Variants in NHEJ1 observed in about 807,000 individuals in gnomAD.
The protein encoded by NHEJ1 is non-homologous end joining factor 1.
NHEJ1 carries 22 observed loss-of-function variants against 39.4 expected under a neutral mutation model. The ratio of observed to expected loss-of-function variants is 0.56; its 90% CI spans 0.40 to 0.80. The LOEUF is 0.80. Ranked by LOEUF, NHEJ1 falls within the 30% of genes least tolerant of loss-of-function variation. NHEJ1 has a pLI of 0.00. For synonymous variants in NHEJ1, 154 were observed against 135.6 expected, an observed-to-expected ratio of 1.14 and a Z score of -0.94; for missense variants, 329 against 357.1, an observed-to-expected ratio of 0.92 and a Z score of 0.63.
At chr2:219,137,136 A>G (rs1248683728) in intron 5 of NHEJ1, among the ~76,000 whole-genome samples, 1 of 151,780 alleles carries the variant, frequency 6.6e-6, no homozygotes, top group East Asian at 1.9e-4. Flanking sequence ...AGAAAACCCC[A>G]AAGAGAAGGT....
chr2:219,144,065 G>A (rs992458371), intron 5 of NHEJ1, among the ~76,000 whole-genome samples: 1 of 152,066 alleles, frequency 6.6e-6, no homozygotes, highest in African/African-American at 2.4e-5. Context: ...GCCAGGTGTG[G>A]TGGTGCATAC....
chr2:219,139,460 A>C (rs1023163344), intron 5 of NHEJ1, among the ~76,000 whole-genome samples: 1 of 152,170 alleles, frequency 6.6e-6, no homozygotes, highest in African/African-American at 2.4e-5. Context: ...GACAGGCCAC[A>C]TAGCAAGAAA....
In NHEJ1 at chr2:219,150,401, A is replaced by G. The variant is rs190860242; in HGVS notation, c.391-2606T>C. Among the ~76,000 whole-genome samples the G allele has an allele frequency of 8.5e-5, 13 of 152,338 alleles. No homozygotes were observed. In the East Asian group the frequency reaches 2.3e-3, roughly 27 times the overall value. ...CATCCCAACCTGGCACTGACTCCCAATTGAGGTCCTTAGCAAAAACTTAAC... is the reference window on the plus strand; with the variant it reads ...CATCCCAACCTGGCACTGACTCCCAGTTGAGGTCCTTAGCAAAAACTTAAC... On this transcript the variant is annotated intron_variant, in intron 3 of 7. Coordinates refer to ENST00000356853, the MANE Select transcript of NHEJ1 (RefSeq NM_024782.3).
At chr2:219,116,358 A>G (rs1559194812) in intron 5 of NHEJ1, among the ~76,000 whole-genome samples, 4 of 150,178 alleles carry the variant, frequency 2.7e-5, no homozygotes, top group African/African-American at 9.8e-5. Context: ...AACTCTTAGG[A>G]TTTTTTTTTT....
At chr2:219,092,833 G>C (rs887997442) in intron 5 of NHEJ1, among the ~76,000 whole-genome samples, 1 of 152,154 alleles carries the variant, frequency 6.6e-6, no homozygotes, top group African/African-American at 2.4e-5. Flanking sequence ...GGCTGTGGGG[G>C]GCAGAGATAA....
chr2:219,111,751 T>G lies in NHEJ1; in HGVS notation c.589-33545A>C, dbSNP rs1949367827. Among the ~76,000 whole-genome samples, 1 of 152,036 alleles carries G rather than the reference T, an allele frequency of 6.6e-6. No homozygotes were observed. Among genetic ancestry groups the G allele is most frequent in the Non-Finnish European group, 1.5e-5 (1 of 68,024 alleles). On this transcript the variant is annotated intron_variant, in intron 5 of 7. Transcript: ENST00000356853. This position sits in a 1 kb window ranked among gnomAD's most constrained non-coding sequence, Gnocchi z 4.1. ...AGGGCAGCTGCAGAAAACAACTGCT[T>G]GTTAAGTTAAAATTAAACTCTGTAC...
At position 219,135,043 on chromosome 2, in the gene NHEJ1, T is replaced by TAAAAAAAAAAAA. The variant is rs59843524; in HGVS notation, c.588+11625_588+11636dup. Among the ~76,000 whole-genome samples, 16 of 110,418 alleles carry TAAAAAAAAAAAA rather than the reference T, an allele frequency of 1.4e-4. 1 individual carries two copies. The highest frequency in any genetic ancestry group is 5.9e-4 in the South Asian group (2 of 3,408). The allele number at this position is 110,418 out of a possible 152,430, so 72.4% of individuals were successfully genotyped here. ...AACAAAAGTGAAACTCCGTCTCAAT[T>TAAAAAAAAAAAA]AAAAAAAAAAAAAAAATTCAACATG... On this transcript the variant is annotated intron_variant, in intron 5 of 7. Coordinates refer to ENST00000356853, the MANE Select transcript of NHEJ1 (RefSeq NM_024782.3).
chr2:219,158,440 A>G (rs1559205700), intron 1 of NHEJ1, 78 bp from the exon 2 acceptor site: 1 of 1,337,692 alleles, frequency 7.5e-7, no homozygotes, highest in Non-Finnish European at 1.1e-6. Flanking sequence ...ACCAGTCTGT[A>G]TCAACTAAAA....
At chr2:219,099,766 A>G (rs1221478742) in intron 5 of NHEJ1, among the ~76,000 whole-genome samples, 2 of 152,126 alleles carry the variant, frequency 1.3e-5, no homozygotes, top group African/African-American at 4.8e-5. Flanking sequence ...GGGAAAAGGC[A>G]GAAAAGACAT....
chr2:219,142,222 A>AAGAGAAGAGG (rs1295117634), intron 5 of NHEJ1, among the ~76,000 whole-genome samples: 8 of 152,184 alleles, frequency 5.3e-5, no homozygotes, highest in African/African-American at 1.9e-4. Context: ...AAGAGAAGAG[A>AAGAGAAGAGG]AGAGAAGAGG....
intron 5 of NHEJ1, among the ~76,000 whole-genome samples, chr2:219,109,037 G>C (rs1949339108): frequency 6.6e-6 from 1 of 152,230 alleles, no homozygotes; most frequent in Admixed American, 6.5e-5. Flanking sequence ...TGAAAGAAGA[G>C]TTAAGAGACT....
intron 3 of NHEJ1, among the ~76,000 whole-genome samples, chr2:219,154,830 G>A (rs1420559472): frequency 6.7e-6 from 1 of 148,270 alleles, no homozygotes; most frequent in Non-Finnish European, 1.5e-5. Context: ...AGAATAGCTA[G>A]TTTTTCTTTA....
chr2:219,084,007 C>CTTTTTTTTT (rs558515060), intron 5 of NHEJ1, among the ~76,000 whole-genome samples: 1 of 133,308 alleles, frequency 7.5e-6, no homozygotes. Flanking sequence ...TCTTTCTTTG[C>CTTTTTTTTT]TTTTTTTTTT....
intron 1 of NHEJ1, among the ~76,000 whole-genome samples, chr2:219,159,564 C>CATATATATATGCATATATATATGCAT (rs1949902145): frequency 3.2e-5 from 2 of 61,760 alleles, no homozygotes; most frequent in East Asian, 6.2e-4. Flanking sequence ...TATATATATG[C>CATATATATATGCATATATATATGCAT]ATATATATAT....
chr2:219,096,677 T>C (rs1282085019), intron 5 of NHEJ1, among the ~76,000 whole-genome samples: 1 of 152,156 alleles, frequency 6.6e-6, no homozygotes, highest in African/African-American at 2.4e-5. Context: ...GTATGGGAAT[T>C]AGCCTATGGA....
At chr2:219,085,576 G>A (rs1003905420) in intron 5 of NHEJ1, among the ~76,000 whole-genome samples, 3 of 152,202 alleles carry the variant, frequency 2.0e-5, no homozygotes, top group East Asian at 1.9e-4. Flanking sequence ...TGCTGCTGCC[G>A]ACCTCGCCAT....
At chr2:219,155,093 G>T (rs1217411710) in intron 3 of NHEJ1, among the ~76,000 whole-genome samples, 1 of 151,286 alleles carries the variant, frequency 6.6e-6, no homozygotes, top group Non-Finnish European at 1.5e-5. Context: ...CAGCCTCCAA[G>T]GAGAACTGTC....
At chr2:219,104,300 G>A (rs570690320) in intron 5 of NHEJ1, among the ~76,000 whole-genome samples, 4 of 152,306 alleles carry the variant, frequency 2.6e-5, no homozygotes, top group South Asian at 2.1e-4. Flanking sequence ...AAGAGCTAAG[G>A]GAAACAGTGT....
At chr2:219,151,723 T>C (rs1037953360) in intron 3 of NHEJ1, among the ~76,000 whole-genome samples, 72 of 152,094 alleles carry the variant, frequency 4.7e-4, no homozygotes, top group African/African-American at 1.7e-3. Context: ...TCCCAGCACT[T>C]TGGGAAGCTG....
Sources: gnomAD v4.1 joint callset for allele counts (sites outside exome capture counted in the v4.1 genomes callset) on GRCh38, gnomAD v4.1.1 for gene constraint, Gnocchi (gnomAD v3.1) non-coding constraint, MANE v1.5 for transcripts, NCBI Gene and HGNC (gene_info 2026-07-23, HGNC 2026-07-21) for gene names.